Variants in PACC1 observed in about 807,000 individuals in gnomAD.
The protein encoded by PACC1 is proton activated chloride channel 1.
PACC1 carries 34 observed loss-of-function variants against 39.7 expected under a neutral mutation model. The observed-to-expected ratio is 0.86, with a 90% CI of 0.65 to 1.14. The LOEUF (loss-of-function observed/expected upper bound fraction) is 1.14. Ranked by LOEUF, PACC1 falls within the 50% of genes most tolerant of loss-of-function variation. The pLI is 0.00. For synonymous variants in PACC1, 127 were observed against 160.6 expected (o/e 0.79, Z 1.58); for missense variants, 379 against 436.4 (o/e 0.87, Z 1.17).
chr1:212,397,366 A>G (rs1195075804), intron 2 of PACC1, among the ~76,000 whole-genome samples: 1 of 152,266 alleles, frequency 6.6e-6, no homozygotes, highest in Non-Finnish European at 1.5e-5. Flanking sequence ...AAACCGTCCA[A>G]TTAAAAAGCA....
At chr1:212,387,402 AAAAC>A (rs1037623784) in intron 2 of PACC1, among the ~76,000 whole-genome samples, 21 of 152,358 alleles carry the variant, frequency 1.4e-4, no homozygotes, top group Non-Finnish European at 2.2e-4. Context: ...GAAAAAGCAA[AAAAC>A]AAACAAAAAG....
intron 4 of PACC1, among the ~76,000 whole-genome samples, chr1:212,384,972 A>G (rs973351406): frequency 6.6e-6 from 1 of 152,148 alleles, no homozygotes; most frequent in Non-Finnish European, 1.5e-5. Flanking sequence ...CCACTTCGCT[A>G]TATCGCACCA....
Position 212,414,588 on chromosome 1 carries a change from C to G in PACC1, c.36+134G>C, listed in dbSNP as rs1662262230. 1.3e-5 allele frequency: 15 copies of G among 1,164,720 alleles called. No individual in the cohort carries two copies. The South Asian group carries it at 2.0e-4, about 16-fold the overall frequency. The allele number at this position is 1,164,720 out of a possible 1,614,324, so 72.1% of individuals were successfully genotyped here. A position where few individuals can be genotyped will look rare whatever the true frequency, so the allele number is the denominator to read the frequency against. ...TCCTCTGCACCCCGGGAGCCCTCCCCTGACGCACCCGTCGGTCCCTCGGAA... is the reference window on the plus strand; with the variant it reads ...TCCTCTGCACCCCGGGAGCCCTCCCGTGACGCACCCGTCGGTCCCTCGGAA... On this transcript the variant is annotated intron_variant, in intron 1 of 7. Coordinates refer to ENST00000261455, the MANE Select transcript of PACC1 (RefSeq NM_018252.3).
intron 7 of PACC1, among the ~76,000 whole-genome samples, chr1:212,372,180 G>A (rs762987805): frequency 4.6e-5 from 7 of 151,762 alleles, no homozygotes; most frequent in Non-Finnish European, 8.8e-5. Context: ...AGCTACTCAG[G>A]AGGCTGAAGC....
intron 2 of PACC1, among the ~76,000 whole-genome samples, chr1:212,400,165 ACT>A (rs10563965): frequency 0.27 from 40,695 of 151,826 alleles, 7,496 homozygotes; most frequent in African/African-American, 0.53. Flanking sequence ...TCTAAGACAA[ACT>A]CTATACTACA....
intron 4 of PACC1, among the ~76,000 whole-genome samples, chr1:212,382,067 C>A (rs1349926858): frequency 6.6e-6 from 1 of 150,632 alleles, no homozygotes; most frequent in East Asian, 1.9e-4. Flanking sequence ...GAGACGGTGT[C>A]TCGCTCTGTT....
Position 212,377,660 on chromosome 1 carries a change from T to G in PACC1, c.685A>C (p.Ser229Arg). 1 of 1,614,170 alleles carries G rather than the reference T, an allele frequency of 6.2e-7. No homozygotes were observed. Among genetic ancestry groups the G allele is most frequent in the Non-Finnish European group, 8.5e-7 (1 of 1,180,014 alleles). Residue 229 changes from serine (S) to arginine (R), a missense_variant, in exon 6 of 8, where the codon AGC becomes CGC. By Grantham distance (110) the Ser-to-Arg change is moderately radical (BLOSUM62 -1). Coordinates refer to ENST00000261455, the MANE Select transcript of PACC1 (RefSeq NM_018252.3). Reference sequence around the variant, plus strand: ...CGGAAGCCCCCAGAGAACTTCCAGCTGGAATAGGCACTCTCACAGGCCTGC... The same window carrying G: ...CGGAAGCCCCCAGAGAACTTCCAGCGGGAATAGGCACTCTCACAGGCCTGC... Reference protein sequence around the residue: ...FMQACESAYSSWKFSGGFRTW... With the variant: ...FMQACESAYSRWKFSGGFRTW...
chr1:212,414,066 C>A, intron 1 of PACC1: 1 of 1,534,222 alleles, frequency 6.5e-7, no homozygotes, highest in Non-Finnish European at 8.7e-7. Flanking sequence ...TTGAAGGAAG[C>A]GCTGGACGCA....
chr1:212,394,134 CA>C (rs1191111199), intron 2 of PACC1, among the ~76,000 whole-genome samples: 18 of 151,262 alleles, frequency 1.2e-4, no homozygotes, highest in Non-Finnish European at 2.2e-4. Flanking sequence ...GACACAACAA[CA>C]AAAGAGAATT....
At chr1:212,396,338 CA>C (rs1661515002) in intron 2 of PACC1, among the ~76,000 whole-genome samples, 2 of 151,768 alleles carry the variant, frequency 1.3e-5, no homozygotes, top group South Asian at 4.1e-4. Flanking sequence ...ATCACAAGGA[CA>C]AAAAACCAAA....
intron 7 of PACC1, among the ~76,000 whole-genome samples, chr1:212,371,555 AAAG>A (rs1206723288): frequency 6.6e-6 from 1 of 152,144 alleles, no homozygotes; most frequent in African/African-American, 2.4e-5. Flanking sequence ...GGCAGTAATA[AAAG>A]AAAAGCCCAG....
At position 212,386,794 on chromosome 1, in the gene PACC1, C is replaced by A; in HGVS notation, c.343+97G>T. On this transcript the variant is annotated intron_variant, in intron 3 of 7. Transcript: ENST00000261455. The surrounding 1 kb of genome is among the most constrained non-coding windows in gnomAD (Gnocchi z 5.0). ...TGCTTGGTTGGACTCCTCTGCCCTG[C>A]CCGTAGTACCACAAATACAACGGCA... The A allele has an allele frequency of 8.1e-7, 1 of 1,237,308 alleles. No homozygotes were observed. Among genetic ancestry groups the A allele is most frequent in the Non-Finnish European group, 1.2e-6 (1 of 852,960 alleles). 76.6% of individuals were successfully genotyped at this position (1,237,308 alleles called of 1,614,324 possible). A position where few individuals can be genotyped will look rare whatever the true frequency, so the allele number is the denominator to read the frequency against.
At chr1:212,398,392 T>C (rs139583763) in intron 2 of PACC1, among the ~76,000 whole-genome samples, 1 of 152,362 alleles carries the variant, frequency 6.6e-6, no homozygotes, top group African/African-American at 2.4e-5. Context: ...CAATCAAGCA[T>C]GTAAAACTAT....
intron 5 of PACC1, 31 bp from the exon 6 acceptor site, chr1:212,377,737 G>T: frequency 6.2e-7 from 1 of 1,609,998 alleles, no homozygotes; most frequent in South Asian, 1.1e-5. Context: ...GGAAGATCCA[G>T]GTCAATGCAG....
chr1:212,379,449 C>A (rs1262977099), intron 5 of PACC1, among the ~76,000 whole-genome samples: 1 of 152,146 alleles, frequency 6.6e-6, no homozygotes, highest in Non-Finnish European at 1.5e-5. Context: ...AACCCCAAAC[C>A]CCAAGTTGTT....
In PACC1 at chr1:212,401,312, G is replaced by A. The variant is rs371758872; in HGVS notation, c.133+9113C>T. Among the ~76,000 whole-genome samples, 63 of 152,154 alleles carry A rather than the reference G, an allele frequency of 4.1e-4. No homozygotes were observed. The East Asian group carries it at 7.6e-3, about 18-fold the overall frequency. Reference sequence around the variant, plus strand: ...TAAAGGGCATCATATATGTGGCTGTGTCTGACTTCTCTCACTATGTTTTCG... The same window carrying A: ...TAAAGGGCATCATATATGTGGCTGTATCTGACTTCTCTCACTATGTTTTCG... On this transcript the variant is annotated intron_variant, in intron 2 of 7. Coordinates refer to ENST00000261455, the MANE Select transcript of PACC1 (RefSeq NM_018252.3).
intron 2 of PACC1, among the ~76,000 whole-genome samples, chr1:212,402,327 T>C (rs1045098086): frequency 2.0e-5 from 3 of 152,194 alleles, no homozygotes; most frequent in Admixed American, 6.5e-5. Context: ...CCAAAACTTA[T>C]TATCCACTTT....
intron 2 of PACC1, among the ~76,000 whole-genome samples, chr1:212,395,038 T>C (rs1661462737): frequency 6.6e-6 from 1 of 152,106 alleles, no homozygotes; most frequent in South Asian, 2.1e-4. Flanking sequence ...TTCAATGCCA[T>C]CCCCATCAAG....
At chr1:212,380,378 T>C (rs2102486516) in intron 4 of PACC1, among the ~76,000 whole-genome samples, 1 of 152,376 alleles carries the variant, frequency 6.6e-6, no homozygotes, top group South Asian at 2.1e-4. Context: ...TAACTTTGTT[T>C]CCAATGTCAT....
Sources: allele counts gnomAD v4.1 joint callset (sites outside exome capture counted in the v4.1 genomes callset), GRCh38; gene constraint gnomAD v4.1.1; non-coding constraint Gnocchi (gnomAD v3.1); transcripts MANE v1.5; gene names NCBI Gene and HGNC (gene_info 2026-07-23, HGNC 2026-07-21).